The following OSBPL10 variants were observed in gnomAD, a reference collection of about 807,000 sequenced individuals.
OSBPL10 encodes the protein oxysterol binding protein like 10.
A neutral mutation model predicts 81.7 loss-of-function variants in OSBPL10; 49 were observed. The observed-to-expected ratio is 0.60, with a 90% CI of 0.48 to 0.76. The LOEUF is 0.76. OSBPL10 is among the 30% of genes least tolerant of loss of function. The probability of loss-of-function intolerance (pLI) is 0.00; values close to 1 mark genes in which losing one functional copy is unlikely to be tolerated. For missense variants in OSBPL10, 923 were observed against 987.8 expected (o/e 0.93, Z 0.88); for synonymous variants, 419 against 383.6 (o/e 1.09, Z -1.08).
intron 3 of OSBPL10, among the ~76,000 whole-genome samples, chr3:31,854,941 T>A (rs905324490): frequency 6.6e-6 from 1 of 152,252 alleles, no homozygotes; most frequent in African/African-American, 2.4e-5. Context: ...TGTATTCCAA[T>A]TAATTCCATG....
intron 4 of OSBPL10, among the ~76,000 whole-genome samples, chr3:31,786,590 A>T (rs1698864680): frequency 6.6e-6 from 1 of 152,166 alleles, no homozygotes; most frequent in Non-Finnish European, 1.5e-5. Context: ...TTTACAAGGC[A>T]TTGCTGATGG....
At chr3:31,802,968 CTTTTTTTTTT>C (rs376218656) in intron 4 of OSBPL10, among the ~76,000 whole-genome samples, 1 of 130,022 alleles carries the variant, frequency 7.7e-6, no homozygotes. Context: ...GTATTGGGTC[CTTTTTTTTTT>C]TTTTTTTTTT....
chr3:31,963,016 G>C (rs959797643), intron 1 of OSBPL10, among the ~76,000 whole-genome samples: 1 of 152,118 alleles, frequency 6.6e-6, no homozygotes, highest in Non-Finnish European at 1.5e-5. Context: ...TCTCAAAGGA[G>C]CCATGTGTTT....
At chr3:31,894,976 G>A (rs1366926968) in intron 1 of OSBPL10, among the ~76,000 whole-genome samples, 1 of 152,108 alleles carries the variant, frequency 6.6e-6, no homozygotes, top group Non-Finnish European at 1.5e-5. Context: ...TGCAATGGCT[G>A]AAATTCCATG....
chr3:31,777,466 T>C (rs1296088004), intron 4 of OSBPL10, among the ~76,000 whole-genome samples: 1 of 151,992 alleles, frequency 6.6e-6, no homozygotes, highest in African/African-American at 2.4e-5. Context: ...TCTGCAAGAG[T>C]GTACAGCACA....
intron 1 of OSBPL10, among the ~76,000 whole-genome samples, chr3:31,957,184 T>C (rs1180517496): frequency 1.3e-5 from 2 of 152,108 alleles, no homozygotes; most frequent in Non-Finnish European, 2.9e-5. Flanking sequence ...GGCATGGTGA[T>C]CCAGGGATGT....
upstream of OSBPL10, among the ~76,000 whole-genome samples, chr3:31,983,225 A>G (rs559683239): frequency 6.6e-6 from 1 of 152,360 alleles, no homozygotes; most frequent in East Asian, 1.9e-4. Flanking sequence ...GCATTGACAT[A>G]CAGACTGAAG....
chr3:31,689,659 C>T (rs991359068), intron 7 of OSBPL10, among the ~76,000 whole-genome samples: 2 of 152,164 alleles, frequency 1.3e-5, no homozygotes, highest in Non-Finnish European at 1.5e-5. Flanking sequence ...GTGCTGTTCT[C>T]ATTAACAGTA....
chr3:31,952,811 G>A (rs528127329), intron 1 of OSBPL10, among the ~76,000 whole-genome samples: 1 of 152,078 alleles, frequency 6.6e-6, no homozygotes, highest in African/African-American at 2.4e-5. Context: ...GTGTGAAGAT[G>A]ATTCTCTCAG....
intron 5 of OSBPL10, among the ~76,000 whole-genome samples, chr3:31,743,881 G>C (rs1697435944): frequency 6.6e-6 from 1 of 152,166 alleles, no homozygotes; most frequent in Non-Finnish European, 1.5e-5. Context: ...TGTGTGTCAG[G>C]CAGCTGCTAT....
intron 1 of OSBPL10, among the ~76,000 whole-genome samples, chr3:31,886,768 C>T (rs1010350320): frequency 2.0e-5 from 3 of 151,944 alleles, no homozygotes; most frequent in Admixed American, 6.6e-5. Context: ...GGTGAAACCT[C>T]GTCTCTACTA....
intron 1 of OSBPL10, among the ~76,000 whole-genome samples, chr3:31,892,105 T>C (rs1439775990): frequency 6.6e-6 from 1 of 152,000 alleles, no homozygotes; most frequent in Admixed American, 6.6e-5. Flanking sequence ...TACTAGGGCC[T>C]GTCTGGAGAC....
intron 1 of OSBPL10, among the ~76,000 whole-genome samples, chr3:32,066,153 AAAGGAAGAAAGG>A (rs1443762156): frequency 0.011 from 590 of 52,904 alleles, 32 homozygotes; most frequent in African/African-American, 0.026. Context: ...AGAAAGGAAG[AAAGGAAGAAAGG>A]AAGGAAGGAA....
rs1700665878 is a variant in OSBPL10 at position 31,847,632 on chromosome 3, C to A, written c.538-17401G>T. Among the ~76,000 whole-genome samples the A allele has an allele frequency of 2.6e-5, 4 of 152,006 alleles. No homozygotes were observed. In the South Asian group the frequency reaches 6.2e-4, roughly 24 times the overall value. On this transcript the variant is annotated intron_variant, in intron 3 of 11. Transcript: ENST00000396556. Reference sequence around the variant, plus strand: ...CCAAATGAGTGGTTAAGACATAGACCCCTTCACACTCAACACTGAGAGAGA... The same window carrying A: ...CCAAATGAGTGGTTAAGACATAGACACCTTCACACTCAACACTGAGAGAGA...
intron 1 of OSBPL10, among the ~76,000 whole-genome samples, chr3:31,918,399 G>A (rs1244060366): frequency 1.3e-5 from 2 of 151,138 alleles, no homozygotes; most frequent in African/African-American, 2.4e-5. Flanking sequence ...TATGATCATA[G>A]CTCACTGTAG....
chr3:31,856,641 C>A (rs1183805134), intron 3 of OSBPL10, among the ~76,000 whole-genome samples: 1 of 152,216 alleles, frequency 6.6e-6, no homozygotes, highest in Non-Finnish European at 1.5e-5. Flanking sequence ...TCAGTCTCAA[C>A]AGGAGATGCA....
At chr3:32,044,783 A>G (rs1699608303) in intron 2 of OSBPL10, among the ~76,000 whole-genome samples, 2 of 151,658 alleles carry the variant, frequency 1.3e-5, no homozygotes, top group African/African-American at 2.4e-5. Flanking sequence ...ATCCTAAATA[A>G]CAGATGCCAT....
chr3:31,747,501 A>T (rs1459069157), intron 5 of OSBPL10, among the ~76,000 whole-genome samples: 3 of 151,332 alleles, frequency 2.0e-5, no homozygotes, highest in Non-Finnish European at 4.4e-5. Context: ...AAAAAAAAAA[A>T]AAAAAAAAAC....
intron 3 of OSBPL10, among the ~76,000 whole-genome samples, chr3:31,835,853 G>A (rs555480661): frequency 9.2e-5 from 14 of 152,074 alleles, no homozygotes; most frequent in Non-Finnish European, 2.1e-4. Context: ...AAGAAAAAGC[G>A]TAACAATTTT....
Sources: allele counts gnomAD v4.1 joint callset (sites outside exome capture counted in the v4.1 genomes callset), GRCh38; gene constraint gnomAD v4.1.1; transcripts MANE v1.5; gene names NCBI Gene and HGNC (gene_info 2026-07-23, HGNC 2026-07-21).